SNX9: variants seen among roughly 807,000 people sequenced by gnomAD.
The protein encoded by SNX9 is sorting nexin 9.
Under a neutral mutation model 89.4 loss-of-function variants are expected in SNX9, and 44 were observed. That is an observed-to-expected ratio of 0.49 (90% CI 0.39 to 0.63). SNX9 has a LOEUF of 0.63. SNX9 is among the 30% of genes least tolerant of loss of function. SNX9 has a pLI of 0.00. For missense variants in SNX9, 578 were observed against 736.1 expected (o/e 0.79, Z 2.49); for synonymous variants, 236 against 247.8 (o/e 0.95, Z 0.45).
Position 157,824,458 on chromosome 6 carries a change from T to A in SNX9, c.12+1012T>A, listed in dbSNP as rs76509191. Among the ~76,000 whole-genome samples the A allele has an allele frequency of 3.7e-3, 571 of 152,350 alleles. 2 individuals carry two copies. Among genetic ancestry groups the A allele is most frequent in the African/African-American group, 0.013 (543 of 41,586 alleles). On this transcript the variant is annotated intron_variant, in intron 1 of 17. Coordinates refer to ENST00000392185, the MANE Select transcript of SNX9 (RefSeq NM_016224.5). ...GTCACTTTGTTAGCATCAGCACCCCTTTGTCTATTTGTTTTTGAGATCTCT... is the reference window on the plus strand; with the variant it reads ...GTCACTTTGTTAGCATCAGCACCCCATTGTCTATTTGTTTTTGAGATCTCT...
chr6:157,925,896 T>C (rs1013151380), intron 10 of SNX9, among the ~76,000 whole-genome samples: 4 of 150,878 alleles, frequency 2.7e-5, no homozygotes, highest in African/African-American at 1.0e-4. Context: ...AAGTCGAAGA[T>C]CAAGGCACCA....
chr6:157,867,417 T>G, intron 1 of SNX9, 130 bp from the exon 2 acceptor site: 1 of 658,062 alleles, frequency 1.5e-6, no homozygotes, highest in Admixed American at 2.5e-5. Context: ...ATGTCTTCCT[T>G]TCTTCCAAAA....
chr6:157,875,999 AAAAAG>A (rs1782511580), intron 4 of SNX9, among the ~76,000 whole-genome samples: 1 of 152,112 alleles, frequency 6.6e-6, no homozygotes, highest in Non-Finnish European at 1.5e-5. Flanking sequence ...AAAGTTAAAA[AAAAAG>A]AATTAAAATA....
intron 13 of SNX9, 64 bp from the exon 14 acceptor site, chr6:157,935,900 A>G: frequency 8.4e-7 from 1 of 1,193,786 alleles, no homozygotes; most frequent in Non-Finnish European, 1.2e-6. Context: ...CAATAATAAA[A>G]TTTTAACAAG....
At chr6:157,909,402 T>C (rs1466995503) in intron 7 of SNX9, among the ~76,000 whole-genome samples, 2 of 152,210 alleles carry the variant, frequency 1.3e-5, no homozygotes, top group African/African-American at 4.8e-5. Context: ...AGCACTGTCC[T>C]TGGGAGAGGG....
intron 3 of SNX9, among the ~76,000 whole-genome samples, chr6:157,873,920 G>A (rs533165738): frequency 2.9e-4 from 44 of 152,246 alleles, no homozygotes; most frequent in African/African-American, 9.6e-4. Flanking sequence ...ACCACCTGGC[G>A]CCCCCTGCTG....
intron 1 of SNX9, among the ~76,000 whole-genome samples, chr6:157,841,990 C>G (rs1781713417): frequency 1.3e-5 from 2 of 152,196 alleles, no homozygotes; most frequent in East Asian, 3.8e-4. Flanking sequence ...CTCCCCTCCC[C>G]TATTTTCCCC....
At chr6:157,917,474 C>A (rs1172261631) in intron 9 of SNX9, among the ~76,000 whole-genome samples, 1 of 152,082 alleles carries the variant, frequency 6.6e-6, no homozygotes, top group Non-Finnish European at 1.5e-5. Context: ...TAAAGTCTAC[C>A]TTATTGAGTT....
chr6:157,866,281 T>A (rs1282847849), intron 1 of SNX9, among the ~76,000 whole-genome samples: 1 of 152,182 alleles, frequency 6.6e-6, no homozygotes, highest in African/African-American at 2.4e-5. Context: ...CTGTCTTATA[T>A]GAAATAAAAA....
intron 7 of SNX9, among the ~76,000 whole-genome samples, chr6:157,907,763 C>T (rs1054792340): frequency 6.6e-6 from 1 of 152,216 alleles, no homozygotes; most frequent in Non-Finnish European, 1.5e-5. Flanking sequence ...ACCGCGTCTT[C>T]AGGAGGCCCA....
In SNX9 at chr6:157,942,842, A is replaced by G. The variant is rs538176583; in HGVS notation, c.*4A>G. 12 of 1,612,914 alleles carry G rather than the reference A, an allele frequency of 7.4e-6. No homozygotes were observed. The African/African-American group carries it at 1.5e-4, about 20-fold the overall frequency. Reference sequence around the variant, plus strand: ...CAGCCGCTTTCCAGTGATGTAGGACAGAACGGGCCTTGAAGAGAATGCCGC... The same window carrying G: ...CAGCCGCTTTCCAGTGATGTAGGACGGAACGGGCCTTGAAGAGAATGCCGC... On this transcript the variant is annotated 3_prime_UTR_variant, in exon 18 of 18. Coordinates refer to ENST00000392185, the MANE Select transcript of SNX9 (RefSeq NM_016224.5).
chr6:157,824,382 C>T (rs1056021086), intron 1 of SNX9, among the ~76,000 whole-genome samples: 1 of 152,174 alleles, frequency 6.6e-6, no homozygotes, highest in Non-Finnish European at 1.5e-5. Flanking sequence ...ATTAACTGAT[C>T]TGTGATACAC....
intron 12 of SNX9, 52 bp downstream of exon 12, chr6:157,928,754 A>G: frequency 7.2e-7 from 1 of 1,383,480 alleles, no homozygotes; most frequent in Non-Finnish European, 9.7e-7. Context: ...ATGCAGGCTC[A>G]GTTTTATGTC....
At position 157,823,310 on chromosome 6, in the gene SNX9, GGCCGCCGCGCCGGGGCCCAGCCGGA is replaced by G. The variant is rs1409123863; in HGVS notation, c.-116_-92del. ...AGACTCGGGGCCGAGGCGGAGGAGC[GGCCGCCGCGCCGGGGCCCAGCCGGA>G]GCCGCCGCCCTCGCCCTTGCCTTTG... On this transcript the variant is annotated 5_prime_UTR_variant, in exon 1 of 18. Transcript: ENST00000392185. The surrounding 1 kb of genome is among the most constrained non-coding windows in gnomAD (Gnocchi z 4.6). 48 of 837,608 alleles carry G rather than the reference GGCCGCCGCGCCGGGGCCCAGCCGGA, an allele frequency of 5.7e-5. 1 individual carries two copies. In the South Asian group the frequency reaches 7.8e-4, roughly 14 times the overall value. The allele number at this position is 837,608 out of a possible 1,614,324, so 51.9% of individuals were successfully genotyped here.
chr6:157,938,853 G>A (rs2115221132), intron 16 of SNX9, 106 bp downstream of exon 16: 1 of 746,336 alleles, frequency 1.3e-6, no homozygotes, highest in Non-Finnish European at 2.3e-6. Context: ...TTAAGTAAGT[G>A]AGACCTTTTA....
At chr6:157,855,260 G>A (rs1033865412) in intron 1 of SNX9, among the ~76,000 whole-genome samples, 12 of 152,104 alleles carry the variant, frequency 7.9e-5, no homozygotes, top group East Asian at 5.8e-4. Context: ...ATAGTACTCC[G>A]TTTCGCAGAG....
intron 7 of SNX9, among the ~76,000 whole-genome samples, chr6:157,908,638 C>T (rs545626560): frequency 6.6e-6 from 1 of 152,288 alleles, no homozygotes; most frequent in Non-Finnish European, 1.5e-5. Flanking sequence ...GCAGCTGCCC[C>T]CATGGCCTTG....
At chr6:157,897,024 C>T in intron 5 of SNX9, 26 bp downstream of exon 5, 2 of 1,545,150 alleles carry the variant, frequency 1.3e-6, no homozygotes, top group Non-Finnish European at 1.7e-6. Flanking sequence ...CAAGGTCCCA[C>T]CCTGCCCGCC....
At chr6:157,846,126 C>A (rs934168584) in intron 1 of SNX9, among the ~76,000 whole-genome samples, 1 of 152,224 alleles carries the variant, frequency 6.6e-6, no homozygotes, top group African/African-American at 2.4e-5. Flanking sequence ...CTGATGCATC[C>A]CTCACTTGGT....
Sources: allele counts gnomAD v4.1 joint callset (sites outside exome capture counted in the v4.1 genomes callset), GRCh38; gene constraint gnomAD v4.1.1; non-coding constraint Gnocchi (gnomAD v3.1); transcripts MANE v1.5; gene names NCBI Gene and HGNC (gene_info 2026-07-23, HGNC 2026-07-21).